The following TRIM27 variants were observed in gnomAD, a reference collection of about 807,000 sequenced individuals.
TRIM27 encodes tripartite motif containing 27.
Under a neutral mutation model 57.6 loss-of-function variants are expected in TRIM27, and 12 were observed. The observed-to-expected ratio is 0.21, with a 90% confidence interval of 0.13 to 0.34. TRIM27 has a LOEUF of 0.34. Ranked by LOEUF, TRIM27 falls within the 10% of genes least tolerant of loss-of-function variation. The probability of loss-of-function intolerance (pLI) is 1.00; values close to 1 mark genes in which losing one functional copy is unlikely to be tolerated. For synonymous variants in TRIM27, 266 were observed against 259.0 expected (o/e 1.03, Z -0.26); for missense variants, 403 against 656.8 (o/e 0.61, Z 4.22).
At position 28,923,971 on chromosome 6, in the gene TRIM27, T is replaced by G. The variant is rs1416588805; in HGVS notation, c.-339A>C. The G allele has an allele frequency of 6.0e-6, 2 of 334,890 alleles. No homozygotes were observed. Among genetic ancestry groups the G allele is most frequent in the African/African-American group, 2.1e-5 (1 of 47,578 alleles). 20.7% of individuals were successfully genotyped at this position (334,890 alleles called of 1,614,324 possible). A position where few individuals can be genotyped will look rare whatever the true frequency, so the allele number is the denominator to read the frequency against. On this transcript the variant is annotated 5_prime_UTR_variant, in exon 1 of 8. Coordinates refer to ENST00000377199, the MANE Select transcript of TRIM27 (RefSeq NM_006510.5). Reference sequence around the variant, plus strand: ...GACAACGTGGCCGCGTCCGAGCGGATGCCGGCGGCAGCGTAAACCCCACCC... The same window carrying G: ...GACAACGTGGCCGCGTCCGAGCGGAGGCCGGCGGCAGCGTAAACCCCACCC...
At chr6:28,907,489 T>G (rs1477250571) in intron 6 of TRIM27, 1 of 703,428 alleles carries the variant, frequency 1.4e-6, no homozygotes, top group Non-Finnish European at 2.7e-6. Flanking sequence ...GATAACCACA[T>G]GCCTGAGACT....
At chr6:28,922,284 T>C (rs542662354) in intron 1 of TRIM27, among the ~76,000 whole-genome samples, 94 of 152,344 alleles carry the variant, frequency 6.2e-4, no homozygotes, top group African/African-American at 2.0e-3. Context: ...GGATATTGCA[T>C]GACTTAGCGG....
chr6:28,908,550 A>T, intron 6 of TRIM27: 1 of 165,848 alleles, frequency 6.0e-6, no homozygotes, highest in East Asian at 1.2e-4. Flanking sequence ...TTAATTCTGG[A>T]TTGATTAATT....
chr6:28,905,400 C>G (rs1016289598), intron 7 of TRIM27: 2 of 152,110 alleles, frequency 1.3e-5, no homozygotes, highest in Non-Finnish European at 2.9e-5. Context: ...TAAACAGTAC[C>G]ACATAAATTC....
chr6:28,904,385 C>T lies in TRIM27; in HGVS notation c.1227G>A (p.Val409=). ...TSAPQNGFWA[V]SLWYGKEYWA... ...AATATTCTTTCCCATACCACAAAGACACTGCCCAGAATCCATTCTGGGGGG... is the reference window on the plus strand; with the variant it reads ...AATATTCTTTCCCATACCACAAAGATACTGCCCAGAATCCATTCTGGGGGG... Residue 409 remains valine, a synonymous_variant, in exon 8 of 8, where the codon GTG becomes GTA. Transcript: ENST00000377199. The surrounding 1 kb of genome is among the most constrained non-coding windows in gnomAD (Gnocchi z 6.1). The T allele has an allele frequency of 6.2e-7, 1 of 1,613,078 alleles. No individual in the cohort carries two copies. The highest frequency in any genetic ancestry group is 8.5e-7 in the Non-Finnish European group (1 of 1,180,044).
chr6:28,921,325 A>C (rs1774016198), intron 2 of TRIM27, among the ~76,000 whole-genome samples: 1 of 151,824 alleles, frequency 6.6e-6, no homozygotes, highest in Admixed American at 6.6e-5. Context: ...GGTTGCAGCG[A>C]GCCAAAACCT....
At position 28,904,697 on chromosome 6, in the gene TRIM27, G is replaced by A; in HGVS notation, c.947-32C>T. The A allele has an allele frequency of 6.5e-7, 1 of 1,549,702 alleles. No homozygotes were observed. Among genetic ancestry groups the A allele is most frequent in the Non-Finnish European group, 8.7e-7 (1 of 1,150,104 alleles). ...AGACACAAGGAAGACAGTCAGCCGT[G>A]GGCCAGGAGAGCCTATTTTAGAACA... On this transcript the variant is annotated intron_variant, in intron 7 of 7. Coordinates refer to ENST00000377199, the MANE Select transcript of TRIM27 (RefSeq NM_006510.5). This position sits in a 1 kb window ranked among gnomAD's most constrained non-coding sequence, Gnocchi z 6.1.
At chr6:28,906,055 T>C (rs984531283) in intron 7 of TRIM27, 4 of 151,940 alleles carry the variant, frequency 2.6e-5, no homozygotes, top group Non-Finnish European at 5.9e-5. Flanking sequence ...GTAAAAAAAT[T>C]AGGCAAGCAT....
At chr6:28,910,726 T>G (rs1773140464) in intron 4 of TRIM27, among the ~76,000 whole-genome samples, 1 of 152,192 alleles carries the variant, frequency 6.6e-6, no homozygotes, top group Non-Finnish European at 1.5e-5. Context: ...CACAAACTGC[T>G]AGGGTCTGAG....
intron 3 of TRIM27, among the ~76,000 whole-genome samples, chr6:28,915,485 T>C (rs1773538423): frequency 6.6e-6 from 1 of 151,946 alleles, no homozygotes; most frequent in Non-Finnish European, 1.5e-5. Flanking sequence ...GGTGTGTGCC[T>C]GTAATCCCAG....
At chr6:28,921,856 C>A (rs1178202543) in intron 2 of TRIM27, 36 bp downstream of exon 2, 1 of 1,529,862 alleles carries the variant, frequency 6.5e-7, no homozygotes, top group Admixed American at 1.7e-5. Flanking sequence ...GAGGAGAGCA[C>A]CAGCAGAACC....
chr6:28,912,600 C>CT (rs907505066), intron 3 of TRIM27, among the ~76,000 whole-genome samples: 2 of 151,850 alleles, frequency 1.3e-5, no homozygotes, highest in Non-Finnish European at 2.9e-5. Context: ...CATTCTTTTC[C>CT]TTTTTTTAAC....
chr6:28,914,566 T>C (rs1208946476), intron 3 of TRIM27, among the ~76,000 whole-genome samples: 1 of 100,076 alleles, frequency 1.0e-5, no homozygotes, highest in Non-Finnish European at 1.9e-5. Context: ...GGTATTTTTA[T>C]TGAAATTGCA....
chr6:28,923,222 C>T lies in TRIM27; in HGVS notation c.411G>A (p.Glu137=), dbSNP rs1462797901. The change falls in exon 1 of 8, where the codon GAG becomes GAA. Residue 137 remains glutamate (E), a synonymous_variant. Coordinates refer to ENST00000377199, the MANE Select transcript of TRIM27 (RefSeq NM_006510.5). ...HSVLPLEEAV[E]GFKEQIQNQL... ...GGATCCGCGCCCTCACCTTGAAGCC[C>T]TCCACCGCCTCCTCGAGCGGCAGCA... The T allele has an allele frequency of 6.3e-7, 1 of 1,584,706 alleles. No individual in the cohort carries two copies.
In TRIM27 at chr6:28,909,296, G is replaced by A. The variant is rs192613629; in HGVS notation, c.771-208C>T. 2.6e-5 allele frequency among the ~76,000 whole-genome samples: 4 copies of A among 152,194 alleles called. No homozygotes were observed. In the East Asian group the frequency reaches 7.7e-4, roughly 29 times the overall value. On this transcript the variant is annotated intron_variant, in intron 4 of 7. Coordinates refer to ENST00000377199, the MANE Select transcript of TRIM27 (RefSeq NM_006510.5). ...CTAATTTTGTGTTTTTAGTAGAGAT[G>A]GGGTTTCTCCATACTGGTCAGGCTG...
chr6:28,916,823 G>A (rs1773646593), intron 3 of TRIM27, among the ~76,000 whole-genome samples: 1 of 152,012 alleles, frequency 6.6e-6, no homozygotes, highest in South Asian at 2.1e-4. Context: ...TTTAGGTTAC[G>A]TATATTTTAC....
At position 28,923,737 on chromosome 6, in the gene TRIM27, G is replaced by C. The variant is rs1325498261; in HGVS notation, c.-105C>G. On this transcript the variant is annotated 5_prime_UTR_variant, in exon 1 of 8. Transcript: ENST00000377199. Reference sequence around the variant, plus strand: ...CGGTTCGCTGTTCCTGAGAGGCACCGGGCGGACGGAGGGCGGCGCCTCCCG... The same window carrying C: ...CGGTTCGCTGTTCCTGAGAGGCACCCGGCGGACGGAGGGCGGCGCCTCCCG... 1.6e-5 allele frequency: 21 copies of C among 1,290,410 alleles called. No homozygotes were observed. The highest frequency in any genetic ancestry group is 1.8e-5 in the Non-Finnish European group (18 of 974,422). 79.9% of individuals were successfully genotyped at this position (1,290,410 alleles called of 1,614,324 possible).
Position 28,904,814 on chromosome 6 carries a change from T to G in TRIM27, c.947-149A>C. The stretch of plus-strand genomic sequence containing the variant: ...TAGAATATATTCTAAACTTCACATT[T>G]CAAAAATTACTGCTTGGATTAGCTG... On this transcript the variant is annotated intron_variant, in intron 7 of 7. Coordinates refer to ENST00000377199, the MANE Select transcript of TRIM27 (RefSeq NM_006510.5). This position sits in a 1 kb window ranked among gnomAD's most constrained non-coding sequence, Gnocchi z 6.1. 1 of 602,542 alleles carries G rather than the reference T, an allele frequency of 1.7e-6. No individual in the cohort carries two copies. The highest frequency in any genetic ancestry group is 2.9e-6 in the Non-Finnish European group (1 of 350,432). The allele number at this position is 602,542 out of a possible 1,614,324, so 37.3% of individuals were successfully genotyped here.
intron 2 of TRIM27, 52 bp downstream of exon 2, chr6:28,921,840 A>G: frequency 1.4e-6 from 2 of 1,396,136 alleles, no homozygotes; most frequent in Non-Finnish European, 2.0e-6. Context: ...CATCAGCTCT[A>G]CAGAAGAGGA....
Sources: gnomAD v4.1 joint callset for allele counts (sites outside exome capture counted in the v4.1 genomes callset) on GRCh38, gnomAD v4.1.1 for gene constraint, Gnocchi (gnomAD v3.1) non-coding constraint, MANE v1.5 for transcripts, NCBI Gene and HGNC (gene_info 2026-07-23, HGNC 2026-07-21) for gene names.